Variants in DLG2 observed in about 807,000 individuals in gnomAD.
The protein encoded by DLG2 is discs large MAGUK scaffold protein 2, also known as disks large homolog 2.
DLG2 carries 45 observed loss-of-function variants against 132.5 expected under a neutral mutation model. The ratio of observed to expected loss-of-function variants is 0.34; its 90% CI spans 0.27 to 0.44. The LOEUF (loss-of-function observed/expected upper bound fraction) is 0.44. DLG2 is among the 20% of genes least tolerant of loss of function. The probability of loss-of-function intolerance (pLI) is 1.00; values close to 1 mark genes in which losing one functional copy is unlikely to be tolerated. For synonymous variants in DLG2, 424 were observed against 419.6 expected, an observed-to-expected ratio of 1.01 and a Z score of -0.13; for missense variants, 1,045 against 1,196.9, an observed-to-expected ratio of 0.87 and a Z score of 1.87.
Position 85,285,220 on chromosome 11 carries a change from C to G in DLG2, c.186G>C (p.Glu62Asp). 6.2e-7 allele frequency: 1 copy of G among 1,610,372 alleles called. No individual in the cohort carries two copies. The highest frequency in any genetic ancestry group is 8.5e-7 in the Non-Finnish European group (1 of 1,177,814). ...PCHDRLQKSSELTDCSGSKEN... is the reference protein window; with the variant it reads ...PCHDRLQKSSDLTDCSGSKEN... ...TCTTTTGGAAGTTTCAGTAGTATACCTCTGAAGATTTTTGAAGTCTGTCAT... is the reference window on the plus strand; with the variant it reads ...TCTTTTGGAAGTTTCAGTAGTATACGTCTGAAGATTTTTGAAGTCTGTCAT... The change falls in exon 4 of 28, where the codon GAG becomes GAC. Residue 62 changes from glutamate to aspartate, a missense_variant and splice_region_variant. Physicochemically the swap from Glu to Asp is conservative, Grantham distance 45. Coordinates refer to ENST00000376104, the MANE Select transcript of DLG2 (RefSeq NM_001142699.3).
chr11:84,110,697 G>C (rs1044577642), intron 9 of DLG2, among the ~76,000 whole-genome samples: 1 of 152,206 alleles, frequency 6.6e-6, no homozygotes, highest in African/African-American at 2.4e-5. Flanking sequence ...TGCAGCACTA[G>C]GTCACTGGCT....
chr11:84,408,431 G>C (rs1226682148), intron 7 of DLG2, among the ~76,000 whole-genome samples: 1 of 151,966 alleles, frequency 6.6e-6, no homozygotes, highest in Non-Finnish European at 1.5e-5. Flanking sequence ...TGCCATGTTG[G>C]TGTGCTGCAC....
At chr11:85,522,222 G>A (rs1323361953) in intron 3 of DLG2, among the ~76,000 whole-genome samples, 1 of 152,162 alleles carries the variant, frequency 6.6e-6, no homozygotes, top group Admixed American at 6.5e-5. Flanking sequence ...TTGCTTCAGA[G>A]GGTGGAAGCC....
chr11:83,770,272 TG>T (rs1172129244), intron 18 of DLG2, among the ~76,000 whole-genome samples: 2 of 147,580 alleles, frequency 1.4e-5, no homozygotes, highest in African/African-American at 5.1e-5. Context: ...TTTGTTTTTT[TG>T]CTTTTTGTAC....
At chr11:85,491,818 C>T (rs866842218) in intron 3 of DLG2, among the ~76,000 whole-genome samples, 1 of 151,980 alleles carries the variant, frequency 6.6e-6, no homozygotes, top group Admixed American at 6.6e-5. Context: ...AATATCCATA[C>T]AACACAAAGC....
chr11:83,892,412 C>T (rs527793200), intron 15 of DLG2, among the ~76,000 whole-genome samples: 2 of 152,192 alleles, frequency 1.3e-5, no homozygotes, highest in East Asian at 3.9e-4. Flanking sequence ...TATTCATAGC[C>T]ATTAGATTAC....
At chr11:85,541,640 A>G (rs1022146025) in intron 3 of DLG2, among the ~76,000 whole-genome samples, 1 of 152,140 alleles carries the variant, frequency 6.6e-6, no homozygotes, top group African/African-American at 2.4e-5. Flanking sequence ...GGAACAATTC[A>G]TAGAGTGAGT....
intron 6 of DLG2, among the ~76,000 whole-genome samples, chr11:84,812,111 G>T (rs2076622088): frequency 6.6e-6 from 1 of 152,132 alleles, no homozygotes; most frequent in South Asian, 2.1e-4. Flanking sequence ...GAAACAGCAT[G>T]ATCCAGACAA....
At chr11:85,402,513 C>T (rs1436384705) in intron 3 of DLG2, among the ~76,000 whole-genome samples, 2 of 152,046 alleles carry the variant, frequency 1.3e-5, no homozygotes, top group Non-Finnish European at 2.9e-5. Context: ...AACTAAAGAG[C>T]TTCTGCACAG....
At chr11:84,387,724 T>C (rs1431445043) in intron 7 of DLG2, among the ~76,000 whole-genome samples, 1 of 152,208 alleles carries the variant, frequency 6.6e-6, no homozygotes, top group Non-Finnish European at 1.5e-5. Flanking sequence ...TGGCTTTATA[T>C]CTATAATATC....
intron 2 of DLG2, among the ~76,000 whole-genome samples, chr11:85,623,877 TAAAAC>T (rs2081894795): frequency 6.6e-6 from 1 of 152,206 alleles, no homozygotes; most frequent in African/African-American, 2.4e-5. Context: ...GAAGACTTGT[TAAAAC>T]AGACCCTTAT....
intron 6 of DLG2, among the ~76,000 whole-genome samples, chr11:84,950,286 TA>T (rs965235565): frequency 2.7e-4 from 41 of 151,764 alleles, no homozygotes; most frequent in South Asian, 8.3e-4. Flanking sequence ...AGAAGATTAA[TA>T]AAAAAAAATC....
intron 6 of DLG2, among the ~76,000 whole-genome samples, chr11:84,865,510 G>C (rs1434187766): frequency 6.6e-6 from 1 of 152,164 alleles, no homozygotes; most frequent in African/African-American, 2.4e-5. Flanking sequence ...GGGTCAGAGA[G>C]TTTGGACACT....
intron 6 of DLG2, among the ~76,000 whole-genome samples, chr11:84,602,320 T>A (rs1264990526): frequency 6.0e-5 from 9 of 149,348 alleles, no homozygotes; most frequent in African/African-American, 2.2e-4. Context: ...TTCTCCATTC[T>A]ACTGGTGAAA....
intron 4 of DLG2, among the ~76,000 whole-genome samples, chr11:85,241,752 C>T (rs1013842997): frequency 1.3e-5 from 2 of 151,944 alleles, no homozygotes; most frequent in African/African-American, 4.8e-5. Flanking sequence ...GGACATCCCA[C>T]ATATGTCTAT....
intron 7 of DLG2, among the ~76,000 whole-genome samples, chr11:84,330,618 G>GTATA (rs1427875832): frequency 2.0e-5 from 3 of 152,070 alleles, no homozygotes; most frequent in Non-Finnish European, 4.4e-5. Context: ...TACTGTTATA[G>GTATA]CCTTCATTTC....
intron 7 of DLG2, among the ~76,000 whole-genome samples, chr11:84,286,462 G>A (rs1354180173): frequency 1.3e-5 from 2 of 151,734 alleles, no homozygotes; most frequent in Non-Finnish European, 3.0e-5. Flanking sequence ...TCTTAAGGAA[G>A]CCATTGCAAT....
At chr11:84,317,062 G>A in intron 7 of DLG2, 2 of 1,612,864 alleles carry the variant, frequency 1.2e-6, no homozygotes, top group African/African-American at 1.3e-5. Context: ...GGGCATCCCT[G>A]ATCAGGGTGG....
At chr11:84,761,585 C>T (rs186165461) in intron 6 of DLG2, among the ~76,000 whole-genome samples, 2 of 152,290 alleles carry the variant, frequency 1.3e-5, no homozygotes, top group Admixed American at 1.3e-4. Context: ...CTAACTAAGT[C>T]TTCTGGCCTC....
Sources: gnomAD v4.1 joint callset for allele counts (sites outside exome capture counted in the v4.1 genomes callset) on GRCh38, gnomAD v4.1.1 for gene constraint, MANE v1.5 for transcripts, NCBI Gene and HGNC (gene_info 2026-07-23, HGNC 2026-07-21) for gene names.